SNX13: variants seen among roughly 807,000 people sequenced by gnomAD.
SNX13 encodes the protein sorting nexin-13.
SNX13 carries 45 observed loss-of-function variants against 133.6 expected under a neutral mutation model. The ratio of observed to expected loss-of-function variants is 0.34; its 90% confidence interval spans 0.27 to 0.43. The LOEUF is 0.43. SNX13 is among the 20% of genes least tolerant of loss of function. SNX13 has a pLI of 1.00. For missense variants in SNX13, 1,032 were observed against 1,145.1 expected (o/e 0.90, Z 1.43); for synonymous variants, 414 against 373.9 (o/e 1.11, Z -1.24).
intron 5 of SNX13, among the ~76,000 whole-genome samples, chr7:17,883,523 T>C (rs1004122225): frequency 9.2e-5 from 14 of 152,190 alleles, no homozygotes; most frequent in African/African-American, 3.4e-4. Context: ...TCCCCATTTT[T>C]TAATTAGGTT....
At chr7:17,890,620 C>T in intron 4 of SNX13, 136 bp from the exon 5 acceptor site, 1 of 492,140 alleles carries the variant, frequency 2.0e-6, no homozygotes, top group East Asian at 3.5e-5. Context: ...TAAATACCTG[C>T]CCTCATTACA....
chr7:17,847,122 T>G (rs1357398573), intron 11 of SNX13, among the ~76,000 whole-genome samples: 1 of 152,090 alleles, frequency 6.6e-6, no homozygotes, highest in East Asian at 1.9e-4. Flanking sequence ...ACCTCTGAGA[T>G]CTAGATAAGG....
In SNX13 at chr7:17,893,445, A is replaced by C; in HGVS notation, c.126-11T>G. 1 of 1,473,146 alleles carries C rather than the reference A, an allele frequency of 6.8e-7. No homozygotes were observed. The highest frequency in any genetic ancestry group is 9.2e-7 in the Non-Finnish European group (1 of 1,088,358). 91.3% of individuals were successfully genotyped at this position (1,473,146 alleles called of 1,614,324 possible). A position where few individuals can be genotyped will look rare whatever the true frequency, so the allele number is the denominator to read the frequency against. On this transcript the variant is annotated splice_polypyrimidine_tract_variant and intron_variant, in intron 2 of 25. Transcript: ENST00000428135. The stretch of plus-strand genomic sequence containing the variant: ...GTAACCACTAAACCCCTAGAAAGAA[A>C]AATTTAATCACAAATATAAAAACAA...
chr7:17,917,506 T>C (rs1799690606), intron 1 of SNX13, among the ~76,000 whole-genome samples: 3 of 151,934 alleles, frequency 2.0e-5, no homozygotes, highest in Non-Finnish European at 4.4e-5. Context: ...ACCAATAACA[T>C]TCAAGCCAAA....
chr7:17,791,522 T>C lies in SNX13; in HGVS notation c.*2523A>G, dbSNP rs1783538276. The C allele has an allele frequency of 6.6e-6, 1 of 152,032 alleles. No individual in the cohort carries two copies. The highest frequency in any genetic ancestry group is 1.5e-5 in the Non-Finnish European group (1 of 67,928). The allele number at this position is 152,032 out of a possible 1,614,324, so 9.4% of individuals were successfully genotyped here. On this transcript the variant is annotated 3_prime_UTR_variant, in exon 26 of 26. Coordinates refer to ENST00000428135, the MANE Select transcript of SNX13 (RefSeq NM_015132.5). ...TATATTTAAATAATACAATCAATTT[T>C]TTAAGGTGAATAAACTATGATGGTT...
chr7:17,922,529 T>G (rs1800235359), intron 1 of SNX13, among the ~76,000 whole-genome samples: 1 of 152,242 alleles, frequency 6.6e-6, no homozygotes, highest in African/African-American at 2.4e-5. Flanking sequence ...GAGTAGAACT[T>G]CTGATTAATC....
intron 9 of SNX13, among the ~76,000 whole-genome samples, chr7:17,862,359 T>C (rs1282577895): frequency 1.3e-5 from 2 of 152,190 alleles, no homozygotes; most frequent in African/African-American, 2.4e-5. Context: ...AACTTAAATG[T>C]TTATAAATTT....
rs771721391 is a variant in SNX13 at position 17,793,710 on chromosome 7, C to G, written c.*335G>C. The G allele has an allele frequency of 5.3e-6, 1 of 188,536 alleles. No individual in the cohort carries two copies. The highest frequency in any genetic ancestry group is 1.1e-5 in the Non-Finnish European group (1 of 91,042). 11.7% of individuals were successfully genotyped at this position (188,536 alleles called of 1,614,324 possible). A position where few individuals can be genotyped will look rare whatever the true frequency, so the allele number is the denominator to read the frequency against. On this transcript the variant is annotated 3_prime_UTR_variant, in exon 26 of 26. Coordinates refer to ENST00000428135, the MANE Select transcript of SNX13 (RefSeq NM_015132.5). ...AACCATTGTTTTGTGCTTTCCTTAG[C>G]TTTCATATATACACTCTGGCACTTT...
chr7:17,833,743 C>G (rs1354685958), intron 15 of SNX13, among the ~76,000 whole-genome samples: 1 of 151,604 alleles, frequency 6.6e-6, no homozygotes, highest in Admixed American at 6.6e-5. Context: ...TATTGTTAAT[C>G]ATGAATATTG....
At chr7:17,795,982 CA>C (rs909541280) in intron 25 of SNX13, 1 of 151,258 alleles carries the variant, frequency 6.6e-6, no homozygotes, top group African/African-American at 2.4e-5. Flanking sequence ...GGTAAGAAAA[CA>C]AAATTAGAGA....
chr7:17,921,976 C>T (rs1031001401), intron 1 of SNX13, among the ~76,000 whole-genome samples: 1 of 152,228 alleles, frequency 6.6e-6, no homozygotes, highest in African/African-American at 2.4e-5. Flanking sequence ...CCTCCACCAA[C>T]ATTCACTACA....
At chr7:17,937,982 A>C (rs1365924924) in intron 1 of SNX13, among the ~76,000 whole-genome samples, 3 of 152,218 alleles carry the variant, frequency 2.0e-5, no homozygotes, top group Non-Finnish European at 2.9e-5. Context: ...TTGAGACCTA[A>C]CATGAATTAA....
intron 12 of SNX13, among the ~76,000 whole-genome samples, chr7:17,843,040 T>C (rs1027705568): frequency 5.3e-5 from 8 of 151,852 alleles, no homozygotes; most frequent in African/African-American, 1.9e-4. Flanking sequence ...AAAAAAGACA[T>C]AAAGCATGTA....
chr7:17,807,675 C>G (rs1422585488), intron 20 of SNX13, among the ~76,000 whole-genome samples: 2 of 152,190 alleles, frequency 1.3e-5, no homozygotes, highest in African/African-American at 4.8e-5. Context: ...GACTGGGAGA[C>G]ACCTCCCATC....
chr7:17,843,826 T>A (rs1474178655), intron 12 of SNX13, among the ~76,000 whole-genome samples: 1 of 151,992 alleles, frequency 6.6e-6, no homozygotes, highest in African/African-American at 2.4e-5. Flanking sequence ...ACCCTACTTA[T>A]CCTCTGAAAA....
chr7:17,804,090 A>G (rs1474146752), intron 20 of SNX13, among the ~76,000 whole-genome samples: 1 of 152,124 alleles, frequency 6.6e-6, no homozygotes, highest in Admixed American at 6.6e-5. Flanking sequence ...TTTCACATAC[A>G]TATATATGAT....
intron 1 of SNX13, among the ~76,000 whole-genome samples, chr7:17,903,195 A>C (rs953073754): frequency 1.3e-5 from 2 of 152,204 alleles, no homozygotes; most frequent in African/African-American, 2.4e-5. Flanking sequence ...AATACTTCTC[A>C]AACTTTAAGG....
rs975786121 is a variant in SNX13 at position 17,935,976 on chromosome 7, T to C, written c.12+4308A>G. On this transcript the variant is annotated intron_variant, in intron 1 of 25. Coordinates refer to ENST00000428135, the MANE Select transcript of SNX13 (RefSeq NM_015132.5). ...CACTTATGGGCAAGACAACTGTGTGTGAGCGTGGATGTATGATGTATGTGC... is the reference window on the plus strand; with the variant it reads ...CACTTATGGGCAAGACAACTGTGTGCGAGCGTGGATGTATGATGTATGTGC... Among the ~76,000 whole-genome samples the C allele has an allele frequency of 3.3e-5, 5 of 152,190 alleles. No individual in the cohort carries two copies. The East Asian group carries it at 9.6e-4, about 29-fold the overall frequency.
At chr7:17,841,930 T>C (rs1201820657) in intron 12 of SNX13, among the ~76,000 whole-genome samples, 2 of 151,872 alleles carry the variant, frequency 1.3e-5, no homozygotes, top group East Asian at 1.9e-4. Flanking sequence ...AATGTAAGGA[T>C]AGATTAATAA....
Sources: allele counts gnomAD v4.1 joint callset (sites outside exome capture counted in the v4.1 genomes callset), GRCh38; gene constraint gnomAD v4.1.1; transcripts MANE v1.5; gene names NCBI Gene and HGNC (gene_info 2026-07-23, HGNC 2026-07-21).